SOX5: variants seen among roughly 807,000 people sequenced by gnomAD.
SOX5 encodes SRY-box transcription factor 5.
SOX5 carries 9 observed loss-of-function variants against 92.0 expected under a neutral mutation model. The ratio of observed to expected loss-of-function variants is 0.10; its 90% CI spans 0.06 to 0.17. The LOEUF is 0.17. Among genes scored for constraint, SOX5 ranks in the 10% least tolerant of loss-of-function variants. SOX5 has a pLI of 1.00. For missense variants in SOX5, 642 were observed against 944.5 expected (o/e 0.68, Z 4.20); for synonymous variants, 344 against 336.3 (o/e 1.02, Z -0.25).
At chr12:23,642,630 A>T (rs576855646) in intron 7 of SOX5, among the ~76,000 whole-genome samples, 3 of 152,316 alleles carry the variant, frequency 2.0e-5, no homozygotes, top group African/African-American at 7.2e-5. Context: ...AGGGAGTAAG[A>T]TGCCAGATTA....
intron 3 of SOX5, among the ~76,000 whole-genome samples, chr12:23,800,687 C>G (rs749489296): frequency 6.6e-6 from 1 of 151,950 alleles, no homozygotes; most frequent in Non-Finnish European, 1.5e-5. Flanking sequence ...CTCTAAAGTA[C>G]TACATTTGGG....
chr12:24,076,699 C>CTTTTTTTTTTTTTTTTTTTTTTTTT, intron 4 of SOX5, among the ~76,000 whole-genome samples: 1 of 102,882 alleles, frequency 9.7e-6, no homozygotes, highest in Non-Finnish European at 1.9e-5. Context: ...CCAAAGCTGC[C>CTTTTTTTTTTTTTTTTTTTTTTTTT]TTTTTTTTTT....
chr12:24,028,385 G>A (rs1053832064), intron 4 of SOX5, among the ~76,000 whole-genome samples: 3 of 151,940 alleles, frequency 2.0e-5, no homozygotes, highest in African/African-American at 4.8e-5. Context: ...ATAGGAGCAC[G>A]GATCAGAGTT....
intron 1 of SOX5, among the ~76,000 whole-genome samples, chr12:23,905,435 G>A (rs1247671070): frequency 6.6e-6 from 1 of 152,132 alleles, no homozygotes; most frequent in Non-Finnish European, 1.5e-5. Context: ...GTTTTATTAT[G>A]AGTAACATAA....
chr12:24,019,574 A>G (rs1284701238), intron 4 of SOX5, among the ~76,000 whole-genome samples: 2 of 152,198 alleles, frequency 1.3e-5, no homozygotes, highest in Non-Finnish European at 2.9e-5. Flanking sequence ...TGTTTATTTC[A>G]CACTGCATCT....
chr12:24,423,926 G>A (rs1469179976), intron 1 of SOX5, among the ~76,000 whole-genome samples: 3 of 152,164 alleles, frequency 2.0e-5, no homozygotes, highest in Admixed American at 1.3e-4. Context: ...CATGGAACGA[G>A]GAGATAAGGG....
chr12:24,297,012 G>T, intron 2 of SOX5, among the ~76,000 whole-genome samples: 1 of 151,742 alleles, frequency 6.6e-6, no homozygotes, highest in East Asian at 1.9e-4. Context: ...ACCCTAAACT[G>T]CCAGACAGTT....
rs60114784 is a variant in SOX5, at chr12:24,538,598, A to AACACACACAC, written c.-251+23721_-251+23730dup. Among the ~76,000 whole-genome samples the AACACACACAC allele has an allele frequency of 1.1e-3, 152 of 143,846 alleles. 3 individuals carry two copies. The highest frequency in any genetic ancestry group is 6.9e-3 in the Middle Eastern group (2 of 288). The allele number at this position is 143,846 out of a possible 152,430, so 94.4% of individuals were successfully genotyped here. On this transcript the variant is annotated intron_variant, in intron 1 of 4. Coordinates refer to the SOX5 transcript ENST00000446891. ...ATTACTTGGTATTAAGCTGGATCTA[A>AACACACACAC]ACACACACACACACACACACACACA...
chr12:23,964,633 G>A (rs541705784), intron 4 of SOX5, among the ~76,000 whole-genome samples: 94 of 152,172 alleles, frequency 6.2e-4, no homozygotes, highest in African/African-American at 2.0e-3. Flanking sequence ...TGTTTGCCTC[G>A]TGCTTTATTA....
intron 1 of SOX5, among the ~76,000 whole-genome samples, chr12:24,529,278 T>G (rs1291597937): frequency 3.9e-5 from 6 of 152,226 alleles, no homozygotes; most frequent in Admixed American, 1.3e-4. Context: ...AGATAATACA[T>G]TACTTTACCA....
chr12:24,356,661 G>A (rs547200380), intron 2 of SOX5, among the ~76,000 whole-genome samples: 2 of 152,010 alleles, frequency 1.3e-5, no homozygotes, highest in African/African-American at 2.4e-5. Context: ...CAGTCTCAGC[G>A]CACCTCAGTT....
At chr12:24,022,889 T>C (rs542173970) in intron 4 of SOX5, among the ~76,000 whole-genome samples, 1 of 151,330 alleles carries the variant, frequency 6.6e-6, no homozygotes, top group Non-Finnish European at 1.5e-5. Flanking sequence ...ACTGAGGACA[T>C]TAGCGCCCCC....
chr12:23,919,754 C>T (rs954391586), intron 1 of SOX5, among the ~76,000 whole-genome samples: 10 of 152,220 alleles, frequency 6.6e-5, no homozygotes, highest in African/African-American at 1.9e-4. Flanking sequence ...TTTCACCTCA[C>T]AGTCTATGCT....
intron 9 of SOX5, among the ~76,000 whole-genome samples, chr12:23,589,647 A>G (rs982137845): frequency 6.6e-6 from 1 of 152,002 alleles, no homozygotes; most frequent in African/African-American, 2.4e-5. Flanking sequence ...TCAAAGGCTC[A>G]TATTTCCTAA....
At chr12:23,810,005 T>G (rs2095849451) in intron 3 of SOX5, among the ~76,000 whole-genome samples, 1 of 152,160 alleles carries the variant, frequency 6.6e-6, no homozygotes, top group African/African-American at 2.4e-5. Context: ...AGTATAGAGT[T>G]ACTCTAATTT....
intron 1 of SOX5, among the ~76,000 whole-genome samples, chr12:23,948,185 C>A (rs1225792289): frequency 6.7e-6 from 1 of 150,140 alleles, no homozygotes; most frequent in Non-Finnish European, 1.5e-5. Context: ...CTCAAACATT[C>A]GCTGGAATTA....
At chr12:24,518,728 A>G (rs1468477145) in intron 1 of SOX5, among the ~76,000 whole-genome samples, 1 of 152,184 alleles carries the variant, frequency 6.6e-6, no homozygotes. Context: ...ATTTTATGGA[A>G]TTTTCCAAGG....
intron 2 of SOX5, among the ~76,000 whole-genome samples, chr12:24,332,326 G>A (rs1951424064): frequency 6.6e-6 from 1 of 152,088 alleles, no homozygotes; most frequent in Non-Finnish European, 1.5e-5. Flanking sequence ...AAACTCTGAA[G>A]GAAAATTATT....
intron 4 of SOX5, among the ~76,000 whole-genome samples, chr12:23,750,315 G>T (rs1282517834): frequency 6.6e-6 from 1 of 151,878 alleles, no homozygotes; most frequent in African/African-American, 2.4e-5. Context: ...GTGCCTGTAA[G>T]AAGATGTTCA....
Sources: gnomAD v4.1 joint callset for allele counts (sites outside exome capture counted in the v4.1 genomes callset) on GRCh38, gnomAD v4.1.1 for gene constraint, MANE v1.5 for transcripts, NCBI Gene and HGNC (gene_info 2026-07-23, HGNC 2026-07-21) for gene names.